The following FHIT variants were observed in gnomAD, a reference collection of about 807,000 sequenced individuals.
FHIT encodes bis(5'-adenosyl)-triphosphatase.
A neutral mutation model predicts 17.9 loss-of-function variants in FHIT; 19 were observed. That is an observed-to-expected ratio of 1.06 (90% CI 0.74 to 1.56). FHIT has a LOEUF of 1.56. FHIT is among the 40% of genes most tolerant of loss of function. The pLI is 0.00. For synonymous variants in FHIT, 81 were observed against 69.7 expected, an observed-to-expected ratio of 1.16 and a Z score of -0.81; for missense variants, 248 against 189.2, an observed-to-expected ratio of 1.31 and a Z score of -1.82.
chr3:59,808,523 T>C (rs1480600517), intron 8 of FHIT, among the ~76,000 whole-genome samples: 1 of 152,194 alleles, frequency 6.6e-6, no homozygotes, highest in Middle Eastern at 3.2e-3. Context: ...CTCCTTTTGC[T>C]AATTTCCCCT....
At chr3:60,305,667 AT>A (rs1383372503) in intron 5 of FHIT, among the ~76,000 whole-genome samples, 2 of 152,280 alleles carry the variant, frequency 1.3e-5, no homozygotes, top group African/African-American at 4.8e-5. Flanking sequence ...TTGGGTACAG[AT>A]GAGGTATTTA....
intron 5 of FHIT, among the ~76,000 whole-genome samples, chr3:60,488,265 C>T (rs941464430): frequency 6.6e-6 from 1 of 152,130 alleles, no homozygotes; most frequent in African/African-American, 2.4e-5. Flanking sequence ...TTACTGAGCC[C>T]CTGTTATGTT....
intron 4 of FHIT, among the ~76,000 whole-genome samples, chr3:60,636,091 G>C (rs1553683776): frequency 6.7e-6 from 1 of 150,128 alleles, no homozygotes; most frequent in African/African-American, 2.4e-5. Flanking sequence ...TTGAGACAGA[G>C]TCTTGCTCTC....
chr3:60,274,600 C>T (rs369651280), intron 5 of FHIT, among the ~76,000 whole-genome samples: 1 of 152,222 alleles, frequency 6.6e-6, no homozygotes, highest in South Asian at 2.1e-4. Context: ...ATGCCCATAG[C>T]AATAACAGCA....
chr3:61,229,171 C>A (rs1205772403), intron 1 of FHIT, among the ~76,000 whole-genome samples: 1 of 152,054 alleles, frequency 6.6e-6, no homozygotes, highest in Non-Finnish European at 1.5e-5. Flanking sequence ...AATTAAGAAT[C>A]TTGAGATGAG....
At chr3:61,243,708 G>GC (rs960018257) in intron 1 of FHIT, among the ~76,000 whole-genome samples, 2 of 152,106 alleles carry the variant, frequency 1.3e-5, no homozygotes, top group African/African-American at 2.4e-5. Flanking sequence ...TGGGATTATA[G>GC]CCCCCCACTC....
intron 8 of FHIT, among the ~76,000 whole-genome samples, chr3:59,773,492 G>A (rs776625597): frequency 2.6e-5 from 4 of 152,196 alleles, no homozygotes; most frequent in Admixed American, 6.5e-5. Context: ...TCACTTAATC[G>A]AAAATGTTTT....
chr3:60,128,626 C>A (rs1430247705), intron 5 of FHIT, among the ~76,000 whole-genome samples: 2 of 152,230 alleles, frequency 1.3e-5, no homozygotes, highest in Non-Finnish European at 2.9e-5. Context: ...TATGGCAGAA[C>A]TGGGCCACAT....
intron 5 of FHIT, among the ~76,000 whole-genome samples, chr3:60,428,736 G>A (rs888046627): frequency 6.6e-6 from 1 of 152,072 alleles, no homozygotes; most frequent in Non-Finnish European, 1.5e-5. Context: ...GCAGGCTAAG[G>A]TTACTCTTAA....
chr3:59,986,182 C>G (rs892055266), intron 7 of FHIT, among the ~76,000 whole-genome samples: 1 of 151,856 alleles, frequency 6.6e-6, no homozygotes, highest in Non-Finnish European at 1.5e-5. Context: ...TGGGAAAACT[C>G]AGACAGACTC....
chr3:60,207,892 T>A (rs1703275376), intron 5 of FHIT, among the ~76,000 whole-genome samples: 1 of 152,136 alleles, frequency 6.6e-6, no homozygotes, highest in Non-Finnish European at 1.5e-5. Context: ...AATTTGAAAT[T>A]TTCTTCATGC....
At position 61,158,773 on chromosome 3, in the gene FHIT, G is replaced by A. The variant is rs150357787; in HGVS notation, c.-164+41844C>T. ...AAAGAATGAATGCTTTTTAGCAAAT[G>A]AGAACACAAAGTCACATGATCTTTA... is the stretch of plus-strand genomic sequence containing the variant. On this transcript the variant is annotated intron_variant, in intron 2 of 9. Coordinates refer to ENST00000492590, the MANE Select transcript of FHIT (RefSeq NM_002012.4). Among the ~76,000 whole-genome samples the A allele has an allele frequency of 7.3e-3, 1,113 of 152,314 alleles. 16 individuals carry two copies. Among genetic ancestry groups the A allele is most frequent in the African/African-American group, 0.025 (1,041 of 41,582 alleles).
intron 5 of FHIT, among the ~76,000 whole-genome samples, chr3:60,130,618 T>C (rs1000645338): frequency 1.4e-5 from 2 of 142,644 alleles, no homozygotes; most frequent in East Asian, 4.2e-4. Context: ...CTATAAATAA[T>C]GAAATCATAT....
At chr3:60,945,748 A>C (rs1206984532) in intron 3 of FHIT, among the ~76,000 whole-genome samples, 1 of 152,158 alleles carries the variant, frequency 6.6e-6, no homozygotes, top group Non-Finnish European at 1.5e-5. Flanking sequence ...TGCTAGAGAA[A>C]ATAAGGTAGT....
intron 7 of FHIT, among the ~76,000 whole-genome samples, chr3:60,004,826 C>A (rs933485561): frequency 4.6e-5 from 7 of 152,078 alleles, no homozygotes; most frequent in Non-Finnish European, 1.0e-4. Flanking sequence ...GTTGTGAGGA[C>A]TGAAGTAAGA....
At chr3:59,947,379 CTTTG>C (rs779921823) in intron 7 of FHIT, among the ~76,000 whole-genome samples, 63 of 152,024 alleles carry the variant, frequency 4.1e-4, no homozygotes, top group East Asian at 7.8e-4. Flanking sequence ...TCATTTCTAA[CTTTG>C]TTTATTTGAA....
chr3:60,963,255 T>G (rs1553781745), intron 3 of FHIT, among the ~76,000 whole-genome samples: 1 of 152,250 alleles, frequency 6.6e-6, no homozygotes, highest in African/African-American at 2.4e-5. Context: ...AGTTTATATT[T>G]CTGTGGGATC....
At chr3:60,030,683 A>G (rs1700962308) in intron 5 of FHIT, among the ~76,000 whole-genome samples, 1 of 152,206 alleles carries the variant, frequency 6.6e-6, no homozygotes, top group Admixed American at 6.5e-5. Flanking sequence ...TACTGCCCAT[A>G]GAGCACTTGC....
chr3:60,258,478 A>G (rs1438978718), intron 5 of FHIT, among the ~76,000 whole-genome samples: 1 of 152,156 alleles, frequency 6.6e-6, no homozygotes, highest in African/African-American at 2.4e-5. Flanking sequence ...AGTGCATTAT[A>G]TCTTTGACAT....
Sources: allele counts gnomAD v4.1 joint callset (sites outside exome capture counted in the v4.1 genomes callset), GRCh38; gene constraint gnomAD v4.1.1; transcripts MANE v1.5; gene names NCBI Gene and HGNC (gene_info 2026-07-23, HGNC 2026-07-21).